TMEM132B: variants seen among roughly 807,000 people sequenced by gnomAD.
The protein encoded by TMEM132B is transmembrane protein 132B.
Under a neutral mutation model 90.8 loss-of-function variants are expected in TMEM132B, and 18 were observed. The observed-to-expected ratio is 0.20, with a 90% CI of 0.14 to 0.29. The LOEUF is 0.29. Ranked by LOEUF, TMEM132B falls within the 10% of genes least tolerant of loss-of-function variation. TMEM132B has a pLI of 1.00. For synonymous variants in TMEM132B, 504 were observed against 523.3 expected (o/e 0.96, Z 0.50); for missense variants, 1,096 against 1,326.8 (o/e 0.83, Z 2.70).
chr12:125,506,254 A>G (rs149069332), intron 3 of TMEM132B, among the ~76,000 whole-genome samples: 1 of 152,354 alleles, frequency 6.6e-6, no homozygotes, highest in Non-Finnish European at 1.5e-5. Context: ...TGTTAAATGA[A>G]AGAAGCCGGA....
chr12:125,274,422 A>G (rs147027460), intron 1 of TMEM132B, among the ~76,000 whole-genome samples: 7 of 152,348 alleles, frequency 4.6e-5, no homozygotes, highest in African/African-American at 1.4e-4. Flanking sequence ...TCATATGTTC[A>G]CTGCATCTTC....
At chr12:125,374,085 A>G (rs1297629025) in intron 2 of TMEM132B, among the ~76,000 whole-genome samples, 3 of 152,214 alleles carry the variant, frequency 2.0e-5, no homozygotes, top group Non-Finnish European at 4.4e-5. Flanking sequence ...GTGAGCCACC[A>G]CATCCAGCCA....
chr12:125,564,578 G>A (rs1884617875), intron 4 of TMEM132B, among the ~76,000 whole-genome samples: 3 of 152,194 alleles, frequency 2.0e-5, no homozygotes, highest in South Asian at 2.1e-4. Flanking sequence ...GGTGAGTTTT[G>A]TATTTAAGGG....
chr12:125,584,077 A>C, intron 5 of TMEM132B, 83 bp downstream of exon 5: 3 of 1,596,132 alleles, frequency 1.9e-6, no homozygotes, highest in Non-Finnish European at 2.6e-6. Context: ...TCTTGTTCTC[A>C]CTGAGCATCC....
At chr12:125,279,800 C>T (rs74543985) in intron 1 of TMEM132B, among the ~76,000 whole-genome samples, 1,690 of 152,260 alleles carry the variant, frequency 0.011, 48 homozygotes, top group African/African-American at 0.038. Flanking sequence ...AACCCTCTAA[C>T]AGGATGGTTC....
chr12:125,384,091 C>T (rs1436196505), intron 2 of TMEM132B, among the ~76,000 whole-genome samples: 4 of 151,972 alleles, frequency 2.6e-5, no homozygotes, highest in African/African-American at 9.7e-5. Flanking sequence ...GGATTACAGG[C>T]GTGTGCCACC....
chr12:125,201,844 G>T lies in TMEM132B; in HGVS notation c.67+14978G>T, dbSNP rs577495096. Among the ~76,000 whole-genome samples the T allele has an allele frequency of 1.8e-4, 27 of 152,174 alleles. No individual in the cohort carries two copies. The South Asian group carries it at 5.2e-3, about 29-fold the overall frequency. The stretch of plus-strand genomic sequence containing the variant: ...ACTGCTTTGGTCTGCTTTGCCAGTC[G>T]GTGAGTTCAGTGAACACCTACTATG... On this transcript the variant is annotated intron_variant, in intron 1 of 8. Coordinates refer to ENST00000682704, the MANE Select transcript of TMEM132B (RefSeq NM_001366854.1).
intron 1 of TMEM132B, among the ~76,000 whole-genome samples, chr12:125,313,350 C>A (rs7300297): frequency 0.12 from 18,596 of 151,996 alleles, 1,173 homozygotes; most frequent in African/African-American, 0.16. Flanking sequence ...ACATATTTCT[C>A]TTTTCCTTTT....
At chr12:125,566,459 C>A (rs971656297) in intron 4 of TMEM132B, among the ~76,000 whole-genome samples, 5 of 152,202 alleles carry the variant, frequency 3.3e-5, no homozygotes, top group Non-Finnish European at 7.3e-5. Flanking sequence ...TTGATTTTCA[C>A]TCGTATACCC....
intron 2 of TMEM132B, among the ~76,000 whole-genome samples, chr12:125,387,038 G>T (rs900445946): frequency 6.6e-6 from 1 of 152,052 alleles, no homozygotes; most frequent in African/African-American, 2.4e-5. Flanking sequence ...GGGAGATGTT[G>T]TCTAAGAAAA....
intron 2 of TMEM132B, among the ~76,000 whole-genome samples, chr12:125,397,036 A>G (rs573288241): frequency 1.3e-5 from 2 of 151,276 alleles, no homozygotes; most frequent in South Asian, 2.1e-4. Context: ...CAGTGGCGTG[A>G]TCTCGGCTCA....
rs1245838391 is a variant in TMEM132B, at chr12:125,190,968, GTGGTGA to G, written c.67+4118_67+4123del. On this transcript the variant is annotated intron_variant, in intron 1 of 8. Transcript: ENST00000682704. ...GGGTGGTGATGGGGAAGGGGTGGTG[GTGGTGA>G]TGGTGATGGTGATGGGGAAGGGGTG... 1.9e-4 allele frequency among the ~76,000 whole-genome samples: 8 copies of G among 41,328 alleles called. 1 individual carries two copies. Among genetic ancestry groups the G allele is most frequent in the African/African-American group, 6.8e-4 (8 of 11,716 alleles). 27.1% of individuals were successfully genotyped at this position (41,328 alleles called of 152,430 possible). A position where few individuals can be genotyped will look rare whatever the true frequency, so the allele number is the denominator to read the frequency against.
intron 5 of TMEM132B, among the ~76,000 whole-genome samples, chr12:125,595,820 A>G (rs1023263384): frequency 1.3e-5 from 2 of 151,500 alleles, no homozygotes; most frequent in African/African-American, 4.9e-5. Flanking sequence ...GTGAAATTTC[A>G]CATTGAACCC....
intron 4 of TMEM132B, 128 bp downstream of exon 4, chr12:125,519,753 C>T (rs1883259876): frequency 2.2e-6 from 2 of 926,648 alleles, no homozygotes; most frequent in Admixed American, 5.4e-5. Context: ...ACTTAAATTG[C>T]ATTTGATCTA....
At chr12:125,238,352 C>CAA (rs752083934) in intron 1 of TMEM132B, among the ~76,000 whole-genome samples, 4 of 43,858 alleles carry the variant, frequency 9.1e-5, no homozygotes, top group Non-Finnish European at 1.9e-4. Context: ...GACTCCGTCT[C>CAA]AAAAAAAAAA....
intron 3 of TMEM132B, among the ~76,000 whole-genome samples, chr12:125,497,488 T>G (rs1160993442): frequency 6.6e-6 from 1 of 152,174 alleles, no homozygotes; most frequent in Non-Finnish European, 1.5e-5. Flanking sequence ...TTCCAGGAGA[T>G]TTATAAAAGT....
intron 3 of TMEM132B, among the ~76,000 whole-genome samples, chr12:125,425,786 TTCTG>T (rs1880300589): frequency 6.6e-6 from 1 of 152,234 alleles, no homozygotes; most frequent in African/African-American, 2.4e-5. Context: ...GATAGCTCAT[TTCTG>T]TCTATCACTG....
intron 4 of TMEM132B, among the ~76,000 whole-genome samples, chr12:125,552,187 C>T (rs118109367): frequency 1.1e-4 from 16 of 152,294 alleles, no homozygotes; most frequent in South Asian, 4.1e-4. Flanking sequence ...GTTATTAGAT[C>T]GTGGCCCTGT....
chr12:125,320,901 G>T (rs1876410825), intron 1 of TMEM132B, among the ~76,000 whole-genome samples: 1 of 152,128 alleles, frequency 6.6e-6, no homozygotes, highest in Admixed American at 6.5e-5. Context: ...AATGTTTTTG[G>T]TAAATTTTCA....
Sources: allele counts gnomAD v4.1 joint callset (sites outside exome capture counted in the v4.1 genomes callset), GRCh38; gene constraint gnomAD v4.1.1; transcripts MANE v1.5; gene names NCBI Gene and HGNC (gene_info 2026-07-23, HGNC 2026-07-21).